Variants in SMARCC1 observed in about 807,000 individuals in gnomAD.
SMARCC1 encodes SWI/SNF complex subunit SMARCC1.
SMARCC1 carries 43 observed loss-of-function variants against 147.4 expected under a neutral mutation model. The ratio of observed to expected loss-of-function variants is 0.29; its 90% CI spans 0.23 to 0.38. The LOEUF is 0.38. SMARCC1 is among the 10% of genes least tolerant of loss of function. The pLI is 1.00. For missense variants in SMARCC1, 1,119 were observed against 1,381.1 expected, an observed-to-expected ratio of 0.81 and a Z score of 3.01; for synonymous variants, 495 against 484.4, an observed-to-expected ratio of 1.02 and a Z score of -0.29.
chr3:47,591,981 G>A (rs141906249), intron 26 of SMARCC1, among the ~76,000 whole-genome samples: 2 of 152,276 alleles, frequency 1.3e-5, no homozygotes, highest in Non-Finnish European at 2.9e-5. Flanking sequence ...AAATCCAGGG[G>A]CTTTACTATC....
intron 10 of SMARCC1, among the ~76,000 whole-genome samples, chr3:47,702,705 C>G (rs1284561036): frequency 1.3e-5 from 2 of 152,196 alleles, no homozygotes; most frequent in African/African-American, 2.4e-5. Context: ...CTCAAGTGAT[C>G]CTCCTGCCTC....
At chr3:47,613,072 T>C (rs898486770) in intron 25 of SMARCC1, among the ~76,000 whole-genome samples, 10 of 152,160 alleles carry the variant, frequency 6.6e-5, no homozygotes, top group African/African-American at 1.7e-4. Context: ...TGAGAGAAAA[T>C]TGCCAGTACT....
chr3:47,746,041 A>T (rs746604628), intron 2 of SMARCC1, 48 bp from the exon 3 acceptor site: 1 of 1,184,496 alleles, frequency 8.4e-7, no homozygotes, highest in Admixed American at 2.4e-5. Flanking sequence ...CTTCTGACAA[A>T]ATTACTCATG....
intron 2 of SMARCC1, among the ~76,000 whole-genome samples, chr3:47,765,766 T>A (rs1266702102): frequency 6.6e-6 from 1 of 151,770 alleles, no homozygotes; most frequent in Non-Finnish European, 1.5e-5. Flanking sequence ...GGAGTCTCAC[T>A]CTGTCGCCCA....
chr3:47,655,169 A>C (rs1397082019), intron 21 of SMARCC1, among the ~76,000 whole-genome samples: 1 of 152,176 alleles, frequency 6.6e-6, no homozygotes, highest in African/African-American at 2.4e-5. Context: ...TGTTTATATG[A>C]TATGTTCTGT....
At chr3:47,644,789 T>C (rs1342702432) in intron 21 of SMARCC1, among the ~76,000 whole-genome samples, 1 of 152,188 alleles carries the variant, frequency 6.6e-6, no homozygotes, top group African/African-American at 2.4e-5. Context: ...ATTATCAGCA[T>C]GAGCCACCGT....
chr3:47,661,414 C>A lies in SMARCC1; in HGVS notation c.2200G>T (p.Val734Phe). The change falls in exon 21 of 28, where the codon GTT becomes TTT. Residue 734 changes from valine (V) to phenylalanine (F), a missense_variant. By Grantham distance (50) the Val-to-Phe change is conservative. Transcript: ENST00000254480. ...TGTACTTTCTTGACATGAGCTTCAA[C>A]CAATTCCAGTGGTACCTCCTCCCGG... ...RVREEVPLELVEAHVKKVQEA... is the reference protein window; with the variant it reads ...RVREEVPLELFEAHVKKVQEA... 1.2e-6 allele frequency: 2 copies of A among 1,613,002 alleles called. No homozygotes were observed. The highest frequency in any genetic ancestry group is 1.7e-6 in the Non-Finnish European group (2 of 1,179,656).
chr3:47,674,742 C>T (rs2033548240), intron 18 of SMARCC1, among the ~76,000 whole-genome samples: 1 of 151,900 alleles, frequency 6.6e-6, no homozygotes, highest in Non-Finnish European at 1.5e-5. Flanking sequence ...TGAGCTTGGC[C>T]TGGCTCTGTC....
intron 11 of SMARCC1, among the ~76,000 whole-genome samples, chr3:47,697,654 G>A (rs1272366279): frequency 2.6e-5 from 4 of 151,226 alleles, no homozygotes; most frequent in Non-Finnish European, 4.4e-5. Context: ...CTCATTTTAT[G>A]AGGCCAGCAT....
intron 6 of SMARCC1, among the ~76,000 whole-genome samples, chr3:47,722,293 ATTTTTTT>A (rs34260316): frequency 1.2e-4 from 13 of 107,082 alleles, no homozygotes; most frequent in Non-Finnish European, 2.3e-4. Flanking sequence ...ACAAATTTTG[ATTTTTTT>A]TTTTTTTTTT....
At chr3:47,621,042 C>G (rs1031041745) in intron 25 of SMARCC1, among the ~76,000 whole-genome samples, 15 of 152,154 alleles carry the variant, frequency 9.9e-5, no homozygotes, top group Middle Eastern at 3.2e-3. Flanking sequence ...TGGCTCACGC[C>G]TGTAATCCCA....
At chr3:47,669,415 A>T (rs2033467265) in intron 19 of SMARCC1, among the ~76,000 whole-genome samples, 1 of 152,222 alleles carries the variant, frequency 6.6e-6, no homozygotes, top group African/African-American at 2.4e-5. Context: ...TAGCAATACA[A>T]AAGTGTGTTT....
intron 2 of SMARCC1, among the ~76,000 whole-genome samples, chr3:47,758,880 G>A (rs1364987234): frequency 6.6e-6 from 1 of 151,978 alleles, no homozygotes; most frequent in Non-Finnish European, 1.5e-5. Flanking sequence ...AGCCAGGCGT[G>A]ATGGTGCATG....
chr3:47,726,803 G>C (rs2034304977), intron 6 of SMARCC1, among the ~76,000 whole-genome samples: 2 of 152,112 alleles, frequency 1.3e-5, no homozygotes, highest in African/African-American at 4.8e-5. Flanking sequence ...GTTATATTCA[G>C]TATCAATGAA....
At chr3:47,677,865 T>C (rs1388933633) in intron 16 of SMARCC1, among the ~76,000 whole-genome samples, 3 of 152,048 alleles carry the variant, frequency 2.0e-5, no homozygotes, top group Admixed American at 6.5e-5. Context: ...ATTTTCAACC[T>C]CTAATGCTGA....
intron 2 of SMARCC1, among the ~76,000 whole-genome samples, chr3:47,763,533 T>C (rs961806984): frequency 6.6e-6 from 1 of 152,062 alleles, no homozygotes; most frequent in Non-Finnish European, 1.5e-5. Flanking sequence ...TTTCACAAGA[T>C]TGTTGCTCAG....
chr3:47,587,184 A>C lies in SMARCC1; in HGVS notation c.*1025T>G, dbSNP rs2032084239. ...AGGTAGTTTGGGGACTTGTACCCCC[A>C]GCCATCCTAACCAAGTTTCATGAGC... On this transcript the variant is annotated 3_prime_UTR_variant, in exon 28 of 28. Transcript: ENST00000254480. The C allele has an allele frequency of 6.6e-6, 1 of 152,548 alleles. No individual in the cohort carries two copies. The highest frequency in any genetic ancestry group is 2.4e-5 in the African/African-American group (1 of 41,406). 9.4% of individuals were successfully genotyped at this position (152,548 alleles called of 1,614,324 possible).
At chr3:47,746,159 G>A (rs1315654037) in intron 2 of SMARCC1, among the ~76,000 whole-genome samples, 166 bp from the exon 3 acceptor site, 1 of 152,140 alleles carries the variant, frequency 6.6e-6, no homozygotes, top group Non-Finnish European at 1.5e-5. Context: ...TTTTCTAAAA[G>A]TAGATTAGGC....
chr3:47,601,257 C>T (rs1359203819), intron 26 of SMARCC1, among the ~76,000 whole-genome samples: 1 of 151,876 alleles, frequency 6.6e-6, no homozygotes, highest in African/African-American at 2.4e-5. Flanking sequence ...TAAAGCATTA[C>T]ACTCATGACA....
Sources: gnomAD v4.1 joint callset for allele counts (sites outside exome capture counted in the v4.1 genomes callset) on GRCh38, gnomAD v4.1.1 for gene constraint, MANE v1.5 for transcripts, NCBI Gene and HGNC (gene_info 2026-07-23, HGNC 2026-07-21) for gene names.